The following SPTA1 variants were observed in gnomAD, a reference collection of about 807,000 sequenced individuals.
SPTA1 encodes the protein spectrin alpha chain, erythrocytic 1.
A neutral mutation model predicts 324.7 loss-of-function variants in SPTA1; 177 were observed. The observed-to-expected ratio is 0.55, with a 90% confidence interval of 0.48 to 0.62. The LOEUF (loss-of-function observed/expected upper bound fraction) is 0.62, where lower values mean the gene tolerates loss of function less well. SPTA1 is among the 20% of genes least tolerant of loss of function. The pLI is 0.00. For missense variants in SPTA1, 3,162 were observed against 2,883.6 expected, an observed-to-expected ratio of 1.10 and a Z score of -2.21; for synonymous variants, 1,195 against 1,041.3, an observed-to-expected ratio of 1.15 and a Z score of -2.84.
At position 158,634,528 on chromosome 1, in the gene SPTA1, C is replaced by A; in HGVS notation, c.5565+15G>T. ...TTGAAGAGAAGAAAATTGATTCATT[C>A]TTCCTGTTCCTCACCTGAGTAGCAG... On this transcript the variant is annotated intron_variant, in intron 39 of 51. Transcript: ENST00000643759. The A allele has an allele frequency of 6.2e-7, 1 of 1,613,592 alleles. No individual in the cohort carries two copies. Among genetic ancestry groups the A allele is most frequent in the Non-Finnish European group, 8.5e-7 (1 of 1,180,004 alleles).
At chr1:158,684,470 T>C (rs999626126) in intron 2 of SPTA1, among the ~76,000 whole-genome samples, 5 of 152,132 alleles carry the variant, frequency 3.3e-5, no homozygotes, top group African/African-American at 1.2e-4. Context: ...CTGTTTTGCC[T>C]GTAGGTCAAT....
In SPTA1 at chr1:158,662,939, C is replaced by G. The variant is rs1322508248; in HGVS notation, c.2227G>C (p.Val743Leu). The G allele has an allele frequency of 4.3e-6, 7 of 1,613,852 alleles. No individual in the cohort carries two copies. Among genetic ancestry groups the G allele is most frequent in the East Asian group, 2.2e-5 (1 of 44,878 alleles). ...GCAGCCAGGTCTGTAAGGATATCCA[C>G]CTGATCCTAAGGGAGAAATAGAATG... is the stretch of plus-strand genomic sequence containing the variant. ...ESAVAARQDQ[V>L]DILTDLAAYF... Residue 743 changes from valine (V) to leucine (L), a missense_variant, in exon 17 of 52, where the codon GTG becomes CTG. Val to Leu is a conservative substitution (Grantham distance 32). Coordinates refer to ENST00000643759, the MANE Select transcript of SPTA1 (RefSeq NM_003126.4).
intron 18 of SPTA1, among the ~76,000 whole-genome samples, chr1:158,658,809 T>C (rs1458059049): frequency 6.6e-6 from 1 of 152,112 alleles, no homozygotes; most frequent in Admixed American, 6.5e-5. Context: ...AGACTTCTTA[T>C]CAGAAGCTTG....
chr1:158,642,845 T>C lies in SPTA1; in HGVS notation c.4574A>G (p.Asp1525Gly). Residue 1525 changes from aspartate (D) to glycine (G), a missense_variant, in exon 32 of 52, where the codon GAT becomes GGT. Physicochemically the swap from Asp to Gly is moderately conservative, Grantham distance 94 (BLOSUM62 -1). Transcript: ENST00000643759. ...WISEMLPTAC[D>G]ESYKDATNIQ... ...GTTAGTGGCGTCTTTGTAGGATTCATCACAGGCTGTGGGCAGCATCTCACT... is the reference window on the plus strand; with the variant it reads ...GTTAGTGGCGTCTTTGTAGGATTCACCACAGGCTGTGGGCAGCATCTCACT... The C allele has an allele frequency of 1.2e-6, 2 of 1,613,992 alleles. No homozygotes were observed. Among genetic ancestry groups the C allele is most frequent in the Non-Finnish European group, 1.7e-6 (2 of 1,179,908 alleles).
rs1557929858 is a variant in SPTA1, at chr1:158,626,208, T to A, written c.5848A>T (p.Ser1950Cys). The A allele has an allele frequency of 1.9e-6, 3 of 1,613,680 alleles. No homozygotes were observed. The highest frequency in any genetic ancestry group is 8.5e-7 in the Non-Finnish European group (1 of 1,179,636). Residue 1950 changes from serine to cysteine, a missense_variant, in exon 42 of 52, where the codon AGC becomes TGC. Ser to Cys is a moderately radical substitution (Grantham distance 112, BLOSUM62 -1). Coordinates refer to ENST00000643759, the MANE Select transcript of SPTA1 (RefSeq NM_003126.4). ...GCACCATTGCCATTGGTCTTTAGGC[T>A]TGTTTCCTTATCAGCTAAAAGGCAA... ...VEAWIADKET[S>C]LKTNGNGADL... is the part of the protein sequence containing the mutation.
chr1:158,642,332 C>T (rs1651660466), intron 33 of SPTA1, 79 bp downstream of exon 33: 1 of 1,439,218 alleles, frequency 6.9e-7, no homozygotes, highest in Non-Finnish European at 9.3e-7. Context: ...AAAAAAAATA[C>T]AATAAATTAA....
chr1:158,656,975 C>A (rs899117867), intron 19 of SPTA1, among the ~76,000 whole-genome samples: 4 of 152,158 alleles, frequency 2.6e-5, no homozygotes, highest in Admixed American at 6.5e-5. Context: ...TTAAAATATG[C>A]ATACCAATAA....
chr1:158,623,260 A>G, intron 42 of SPTA1, 68 bp from the exon 43 acceptor site: 1 of 1,328,726 alleles, frequency 7.5e-7, no homozygotes, highest in East Asian at 2.3e-5. Flanking sequence ...TCTGGGTTCC[A>G]CCAGATTTTA....
chr1:158,671,574 T>C (rs770458281), intron 11 of SPTA1, 121 bp from the exon 12 acceptor site: 6 of 755,526 alleles, frequency 7.9e-6, no homozygotes, highest in Non-Finnish European at 1.2e-5. Context: ...GCACACATTA[T>C]GATAATGGGT....
At chr1:158,640,130 T>C (rs1015506012) in intron 33 of SPTA1, 123 bp from the exon 34 acceptor site, 5 of 1,183,196 alleles carry the variant, frequency 4.2e-6, no homozygotes, top group Non-Finnish European at 5.0e-6. Context: ...GATACTTGAA[T>C]ATCATACATT....
At chr1:158,677,638 C>G (rs372753203) in intron 7 of SPTA1, 52 bp downstream of exon 7, 4 of 1,606,130 alleles carry the variant, frequency 2.5e-6, no homozygotes, top group Non-Finnish European at 3.4e-6. Context: ...AGATAATCAA[C>G]AATTGCCTCT....
At position 158,618,031 on chromosome 1, in the gene SPTA1, A is replaced by G. The variant is rs1438537291; in HGVS notation, c.6548+8T>C. On this transcript the variant is annotated splice_region_variant and intron_variant, in intron 46 of 51. Transcript: ENST00000643759. ...AAAGCAAACATGATGATAACATAAA[A>G]TACTGACCCATCCAGAAAGTAAGCC... The G allele has an allele frequency of 1.2e-6, 2 of 1,611,240 alleles. No individual in the cohort carries two copies. The highest frequency in any genetic ancestry group is 1.7e-5 in the Admixed American group (1 of 60,022).
At chr1:158,646,791 A>G (rs989581592) in intron 27 of SPTA1, among the ~76,000 whole-genome samples, 1 of 152,146 alleles carries the variant, frequency 6.6e-6, no homozygotes, top group Non-Finnish European at 1.5e-5. Context: ...CTTGAAAAGC[A>G]TTGCATTGAG....
At chr1:158,629,877 A>G (rs963443708) in intron 39 of SPTA1, among the ~76,000 whole-genome samples, 3 of 151,926 alleles carry the variant, frequency 2.0e-5, no homozygotes, top group Admixed American at 6.5e-5. Context: ...AAAAGAAATT[A>G]AGAAAATAAT....
intron 33 of SPTA1, among the ~76,000 whole-genome samples, chr1:158,641,046 C>T (rs1270316160): frequency 1.3e-5 from 2 of 152,148 alleles, no homozygotes; most frequent in African/African-American, 4.8e-5. Context: ...CTGAGAAAAA[C>T]AAGCAATGGG....
At position 158,610,943 on chromosome 1, in the gene SPTA1, T is replaced by C. The variant is rs987865697; in HGVS notation, c.*321A>G. ...TAAAAAGAATTACTTTATTCTATAATCGGAATAAAGCAAAATGATAAAGAC... is the reference window on the plus strand; with the variant it reads ...TAAAAAGAATTACTTTATTCTATAACCGGAATAAAGCAAAATGATAAAGAC... On this transcript the variant is annotated 3_prime_UTR_variant, in exon 52 of 52. Transcript: ENST00000643759. 2.4e-5 allele frequency: 6 copies of C among 254,634 alleles called. No homozygotes were observed. The highest frequency in any genetic ancestry group is 3.9e-5 in the Non-Finnish European group (5 of 129,406). The allele number at this position is 254,634 out of a possible 1,614,324, so 15.8% of individuals were successfully genotyped here.
At chr1:158,634,499 C>A (rs1285883772) in intron 39 of SPTA1, 44 bp downstream of exon 39, 2 of 1,611,648 alleles carry the variant, frequency 1.2e-6, no homozygotes, top group Non-Finnish European at 1.7e-6. Flanking sequence ...AGAAAATAAC[C>A]AAATTGAAGA....
Position 158,644,341 on chromosome 1 carries a change from G to A in SPTA1, c.4250C>T (p.Ser1417Phe). Residue 1417 changes from serine (S) to phenylalanine (F), a missense_variant, in exon 30 of 52, where the codon TCC (serine) becomes TTC (phenylalanine). By Grantham distance (155) the Ser-to-Phe change is radical (BLOSUM62 -2). Transcript: ENST00000643759. Reference protein sequence around the residue: ...VESWMVARENSLRSDDKSSLD... With the variant: ...VESWMVARENFLRSDDKSSLD... ...GGAACTTTTGTCATCTGACCTCAGGGAATTCTCACGTGCCACCATCCAGCT... is the reference window on the plus strand; with the variant it reads ...GGAACTTTTGTCATCTGACCTCAGGAAATTCTCACGTGCCACCATCCAGCT... The A allele has an allele frequency of 6.2e-7, 1 of 1,613,882 alleles. No individual in the cohort carries two copies. Among genetic ancestry groups the A allele is most frequent in the South Asian group, 1.1e-5 (1 of 91,080 alleles).
chr1:158,648,419 A>G, intron 26 of SPTA1, 90 bp downstream of exon 26: 2 of 1,552,292 alleles, frequency 1.3e-6, no homozygotes, highest in East Asian at 2.2e-5. Context: ...AGAATAAAAG[A>G]CTGAAAAAGA....
Sources: allele counts gnomAD v4.1 joint callset (sites outside exome capture counted in the v4.1 genomes callset), GRCh38; gene constraint gnomAD v4.1.1; transcripts MANE v1.5; gene names NCBI Gene and HGNC (gene_info 2026-07-23, HGNC 2026-07-21).